KANSL1: variants seen among roughly 807,000 people sequenced by gnomAD.
The protein encoded by KANSL1 is KAT8 regulatory NSL complex subunit 1.
Under a neutral mutation model 103.6 loss-of-function variants are expected in KANSL1, and 22 were observed. The ratio of observed to expected loss-of-function variants is 0.21; its 90% confidence interval spans 0.15 to 0.30. The LOEUF (loss-of-function observed/expected upper bound fraction) is 0.30. Ranked by LOEUF, KANSL1 falls within the 10% of genes least tolerant of loss-of-function variation. The pLI is 1.00. For synonymous variants in KANSL1, 600 were observed against 527.6 expected (o/e 1.14, Z -1.88); for missense variants, 1,337 against 1,399.8 (o/e 0.96, Z 0.72).
At chr17:46,047,094 TTC>T (rs1258382019) in intron 7 of KANSL1, among the ~76,000 whole-genome samples, 2 of 152,244 alleles carry the variant, frequency 1.3e-5, no homozygotes, top group East Asian at 3.8e-4. Flanking sequence ...GTTCCAGGTT[TTC>T]TGTTTCCTTT....
intron 1 of KANSL1, among the ~76,000 whole-genome samples, chr17:46,177,922 C>T (rs1013976221): frequency 2.0e-5 from 3 of 152,156 alleles, no homozygotes; most frequent in African/African-American, 4.8e-5. Context: ...GAACTACAGG[C>T]GTCCGCCACC....
chr17:46,170,673 A>G, intron 2 of KANSL1, 182 bp downstream of exon 2: 2 of 688,806 alleles, frequency 2.9e-6, no homozygotes, highest in Non-Finnish European at 4.7e-6. Flanking sequence ...CCCTACAGCA[A>G]AAGTATCTTC....
At chr17:46,194,058 G>C (rs1342355197), upstream of KANSL1, among the ~76,000 whole-genome samples, 1 of 152,240 alleles carries the variant, frequency 6.6e-6, no homozygotes, top group African/African-American at 2.4e-5. Flanking sequence ...GTTGGGCGGG[G>C]TGGGGAGGGT....
At chr17:46,205,680 CAAAAA>C (rs56154541) in intron 1 of KANSL1, among the ~76,000 whole-genome samples, 4 of 93,122 alleles carry the variant, frequency 4.3e-5, no homozygotes, top group Admixed American at 2.3e-4. Context: ...GACACTGTCT[CAAAAA>C]AAAAAAAAAA....
intron 2 of KANSL1, among the ~76,000 whole-genome samples, chr17:46,154,985 T>C (rs1163181211): frequency 6.6e-6 from 1 of 152,158 alleles, no homozygotes; most frequent in Non-Finnish European, 1.5e-5. Flanking sequence ...TTAGTTTCCT[T>C]ACCATAAAAC....
chr17:46,071,553 C>G (rs574897986), intron 4 of KANSL1, among the ~76,000 whole-genome samples: 1 of 152,316 alleles, frequency 6.6e-6, no homozygotes, highest in East Asian at 1.9e-4. Flanking sequence ...CATTTCCTAT[C>G]CTGCAGTCTA....
chr17:46,081,234 A>G (rs1041489279), intron 4 of KANSL1, among the ~76,000 whole-genome samples: 8 of 152,234 alleles, frequency 5.3e-5, no homozygotes, highest in African/African-American at 9.6e-5. Context: ...ATACAAATAT[A>G]TAAGTATCTA....
At position 46,040,011 on chromosome 17, in the gene KANSL1, T is replaced by C. The variant is rs1184273910; in HGVS notation, c.2021-127A>G. On this transcript the variant is annotated intron_variant, in intron 7 of 14. Transcript: ENST00000432791. ...ACTTGGCAGGGCAAGTGCTGTCATA[T>C]GGAAGATCTGTTTACGTGAACATTA... The C allele has an allele frequency of 9.1e-6, 7 of 768,272 alleles. No individual in the cohort carries two copies. In the East Asian group the frequency reaches 1.5e-4, roughly 17 times the overall value. 47.6% of individuals were successfully genotyped at this position (768,272 alleles called of 1,614,324 possible).
At chr17:46,059,647 A>AAAAG (rs541946204) in intron 6 of KANSL1, among the ~76,000 whole-genome samples, 5 of 54,872 alleles carry the variant, frequency 9.1e-5, no homozygotes, top group Admixed American at 2.5e-4. Context: ...AAAAAAAAAA[A>AAAAG]AGAGAGAGAG....
intron 3 of KANSL1, among the ~76,000 whole-genome samples, chr17:46,090,433 C>A (rs1350520590): frequency 6.6e-6 from 1 of 152,198 alleles, no homozygotes; most frequent in Non-Finnish European, 1.5e-5. Flanking sequence ...TGTGAATTTT[C>A]TTGATGCATT....
At chr17:46,130,821 C>T (rs117021806) in intron 2 of KANSL1, among the ~76,000 whole-genome samples, 730 of 152,206 alleles carry the variant, frequency 4.8e-3, no homozygotes, top group Non-Finnish European at 5.8e-3. Context: ...CATCACATAT[C>T]AACAGCTAAC....
chr17:46,037,093 C>T (rs1466026933), intron 10 of KANSL1, among the ~76,000 whole-genome samples: 1 of 152,178 alleles, frequency 6.6e-6, no homozygotes, highest in East Asian at 1.9e-4. Flanking sequence ...TAGTGCTATA[C>T]ACAAAATTTT....
At chr17:46,180,589 G>C (rs2046740408) in intron 1 of KANSL1, among the ~76,000 whole-genome samples, 1 of 152,220 alleles carries the variant, frequency 6.6e-6, no homozygotes, top group African/African-American at 2.4e-5. Flanking sequence ...GGGAGGCTGA[G>C]GCATGAGAAT....
chr17:46,187,529 G>A (rs2047088897), intron 1 of KANSL1, among the ~76,000 whole-genome samples: 1 of 152,000 alleles, frequency 6.6e-6, no homozygotes, highest in African/African-American at 2.4e-5. Context: ...TCAAAATCTT[G>A]GAAAGAAACT....
In KANSL1 at chr17:46,096,005, T is replaced by G. The variant is rs148156608; in HGVS notation, c.1290-1304A>C. ...CGCACAGTCTCATAAAGCCAACAGGTGGTGAGAAATGGAAAAGAGCAATTA... is the reference window on the plus strand; with the variant it reads ...CGCACAGTCTCATAAAGCCAACAGGGGGTGAGAAATGGAAAAGAGCAATTA... On this transcript the variant is annotated intron_variant, in intron 2 of 14. Transcript: ENST00000432791. 1.4e-3 allele frequency among the ~76,000 whole-genome samples: 211 copies of G among 152,150 alleles called. 1 individual carries two copies. The highest frequency in any genetic ancestry group is 5.0e-3 in the African/African-American group (208 of 41,474).
intron 6 of KANSL1, among the ~76,000 whole-genome samples, chr17:46,057,857 C>T (rs1003415276): frequency 1.3e-5 from 2 of 152,208 alleles, no homozygotes; most frequent in Admixed American, 1.3e-4. Flanking sequence ...AAAACAGTGA[C>T]ACCACAGGAC....
chr17:46,138,464 T>G (rs570842924), intron 2 of KANSL1, among the ~76,000 whole-genome samples: 1 of 152,352 alleles, frequency 6.6e-6, no homozygotes, highest in Admixed American at 6.5e-5. Context: ...AGGATGTGCA[T>G]AGGTTATACA....
Position 46,193,137 on chromosome 17 carries a change from A to AGGGCGGGCGGGC in KANSL1, c.-416_-405dup, listed in dbSNP as rs574418144. The stretch of plus-strand genomic sequence containing the variant: ...GGCTGGAGACCGCAGCCCGGCCGGG[A>AGGGCGGGCGGGC]GGGCGGGCGGGCGGGGGCAGAGAGT... On this transcript the variant is annotated 5_prime_UTR_variant, in exon 1 of 15. Coordinates refer to ENST00000432791, the MANE Select transcript of KANSL1 (RefSeq NM_015443.4). 2.0e-5 allele frequency: 3 copies of AGGGCGGGCGGGC among 151,210 alleles called. No individual in the cohort carries two copies. The highest frequency in any genetic ancestry group is 1.3e-4 in the Admixed American group (2 of 15,214). The allele number at this position is 151,210 out of a possible 1,614,324, so 9.4% of individuals were successfully genotyped here.
chr17:46,126,305 G>A (rs1369738146), intron 2 of KANSL1, among the ~76,000 whole-genome samples: 2 of 152,116 alleles, frequency 1.3e-5, no homozygotes, highest in African/African-American at 2.4e-5. Context: ...AGCTGGGCGT[G>A]GTGATGGGCG....
Sources: gnomAD v4.1 joint callset for allele counts (sites outside exome capture counted in the v4.1 genomes callset) on GRCh38, gnomAD v4.1.1 for gene constraint, MANE v1.5 for transcripts, NCBI Gene and HGNC (gene_info 2026-07-23, HGNC 2026-07-21) for gene names.